PCDHA1: variants seen among roughly 807,000 people sequenced by gnomAD.
The protein encoded by PCDHA1 is protocadherin alpha-1.
In PCDHA1, 42 loss-of-function variants were observed where a neutral mutation model predicts 61.3. The ratio of observed to expected loss-of-function variants is 0.69; its 90% CI spans 0.54 to 0.89. PCDHA1 has a LOEUF of 0.89. Among genes scored for constraint, PCDHA1 ranks in the 40% least tolerant of loss-of-function variants. The pLI, the probability that PCDHA1 is intolerant of heterozygous loss-of-function variation, is 0.00. For synonymous variants in PCDHA1, 610 were observed against 553.8 expected, an observed-to-expected ratio of 1.10 and a Z score of -1.43; for missense variants, 1,256 against 1,235.3, an observed-to-expected ratio of 1.02 and a Z score of -0.25.
At chr5:140,803,000 A>G (rs782428262) in intron 1 of PCDHA1, 8 of 1,613,894 alleles carry the variant, frequency 5.0e-6, no homozygotes, top group African/African-American at 4.0e-5. Context: ...ATGCAGACTC[A>G]GGCTACAACG....
chr5:140,863,288 A>G, intron 1 of PCDHA1: 1 of 1,462,142 alleles, frequency 6.8e-7, no homozygotes, highest in South Asian at 1.1e-5. Context: ...GTCAACGTGT[A>G]CCTGATCATC....
At position 140,895,904 on chromosome 5, in the gene PCDHA1, C is replaced by A. The variant is rs956599707; in HGVS notation, c.2395-83045C>A. Among the ~76,000 whole-genome samples, 7 of 152,138 alleles carry A rather than the reference C, an allele frequency of 4.6e-5. No homozygotes were observed. In the South Asian group the frequency reaches 1.5e-3, roughly 32 times the overall value. On this transcript the variant is annotated intron_variant, in intron 1 of 3. Transcript: ENST00000504120. ...TCGGCTCACTGCAACCTCCGCGTCC[C>A]GGGCTCAACAATTATCCTGCCTCAG...
chr5:140,798,855 G>A (rs546077370), intron 1 of PCDHA1, among the ~76,000 whole-genome samples: 49 of 152,026 alleles, frequency 3.2e-4, no homozygotes, highest in Non-Finnish European at 3.2e-4. Context: ...TGTCTTAAAC[G>A]GTCCTCTACT....
At chr5:140,978,907 G>A (rs782602741) in intron 1 of PCDHA1, 42 bp from the exon 2 acceptor site, 3 of 1,613,766 alleles carry the variant, frequency 1.9e-6, no homozygotes, top group South Asian at 2.2e-5. Context: ...GGAGAACATT[G>A]TCTTGTCATT....
chr5:141,003,684 A>C (rs1425078507), intron 3 of PCDHA1, among the ~76,000 whole-genome samples: 1 of 152,240 alleles, frequency 6.6e-6, no homozygotes, highest in Non-Finnish European at 1.5e-5. Flanking sequence ...TTCTGATTTT[A>C]AAATATATCC....
At chr5:140,808,445 G>T (rs1219099901) in intron 1 of PCDHA1, 1 of 1,614,212 alleles carries the variant, frequency 6.2e-7, no homozygotes, top group East Asian at 2.2e-5. Flanking sequence ...GAGCGTGTCA[G>T]CCTATGAGCT....
chr5:140,802,826 G>A (rs1554122392), intron 1 of PCDHA1: 6 of 1,613,472 alleles, frequency 3.7e-6, no homozygotes, highest in Middle Eastern at 1.7e-4. Context: ...CGGGCGTGCC[G>A]CCTCTGGGCA....
At chr5:140,833,144 G>A (rs1580756021) in intron 1 of PCDHA1, among the ~76,000 whole-genome samples, 1 of 152,142 alleles carries the variant, frequency 6.6e-6, no homozygotes, top group South Asian at 2.1e-4. Context: ...AAAGTGTGAA[G>A]CAATACGAAT....
chr5:140,809,242 C>T (rs782495070), intron 1 of PCDHA1: 2 of 1,614,092 alleles, frequency 1.2e-6, no homozygotes, highest in East Asian at 2.2e-5. Flanking sequence ...CGTTGGTGGG[C>T]GCTGTGGGTC....
At chr5:140,797,317 G>C (rs1554120398) in intron 1 of PCDHA1, 1 of 1,614,232 alleles carries the variant, frequency 6.2e-7, no homozygotes, top group Non-Finnish European at 8.5e-7. Context: ...CTCCGCAGAA[G>C]AGAAACAGCT....
rs1474245483 is a variant in PCDHA1, at chr5:140,946,429, A to C, written c.2395-32520A>C. Reference sequence around the variant, plus strand: ...ATAGAAAACAATATGGAGGTTACTCAAAAATTGAGACTAAAACAACTATCC... The same window carrying C: ...ATAGAAAACAATATGGAGGTTACTCCAAAATTGAGACTAAAACAACTATCC... On this transcript the variant is annotated intron_variant, in intron 1 of 3. Coordinates refer to ENST00000504120, the MANE Select transcript of PCDHA1 (RefSeq NM_018900.4). 2.0e-5 allele frequency among the ~76,000 whole-genome samples: 3 copies of C among 151,826 alleles called. No homozygotes were observed. In the East Asian group the frequency reaches 5.8e-4, roughly 29 times the overall value.
intron 1 of PCDHA1, chr5:140,968,172 T>C (rs2096226402): frequency 6.2e-7 from 1 of 1,614,110 alleles, no homozygotes; most frequent in Non-Finnish European, 8.5e-7. Flanking sequence ...CCACCAAGCT[T>C]CCTGGAGGAC....
chr5:140,986,826 A>G (rs902801115), intron 3 of PCDHA1, among the ~76,000 whole-genome samples: 1 of 152,178 alleles, frequency 6.6e-6, no homozygotes, highest in Non-Finnish European at 1.5e-5. Flanking sequence ...GGTTTAGACA[A>G]TGGTTCTCAA....
At chr5:140,953,530 C>T (rs923959885) in intron 1 of PCDHA1, among the ~76,000 whole-genome samples, 3 of 152,158 alleles carry the variant, frequency 2.0e-5, no homozygotes, top group Admixed American at 6.5e-5. Context: ...ACGGGAAACT[C>T]ACTTCATGCT....
chr5:140,841,919 T>G, intron 1 of PCDHA1: 3 of 1,613,892 alleles, frequency 1.9e-6, no homozygotes, highest in Non-Finnish European at 2.5e-6. Flanking sequence ...AAGAAAATCC[T>G]TGGACAGAGA....
chr5:140,787,318 TAA>T lies in PCDHA1; in HGVS notation c.1030_1031del (p.Asn344Ter). ...AAGGTTTTGGTGAAAGTGCTGGATG[TAA>T]ATGATAATGCTCCAGAACTGGCGGT... is the stretch of plus-strand genomic sequence containing the variant. On this transcript the variant is annotated frameshift_variant, in exon 1 of 4. Coordinates refer to ENST00000504120, the MANE Select transcript of PCDHA1 (RefSeq NM_018900.4). LOFTEE classifies it high-confidence loss of function. The T allele has an allele frequency of 6.2e-7, 1 of 1,614,192 alleles. No individual in the cohort carries two copies. Among genetic ancestry groups the T allele is most frequent in the Non-Finnish European group, 8.5e-7 (1 of 1,180,006 alleles).
intron 1 of PCDHA1, chr5:140,801,633 C>T: frequency 1.2e-6 from 2 of 1,614,106 alleles, no homozygotes; most frequent in Non-Finnish European, 1.7e-6. Context: ...TTCCGAATCC[C>T]GACAGCCTGG....
chr5:140,797,117 A>C, intron 1 of PCDHA1: 1 of 1,613,990 alleles, frequency 6.2e-7, no homozygotes, highest in Non-Finnish European at 8.5e-7. Context: ...GTGCTGCTGT[A>C]CACTGCGCTG....
chr5:140,931,585 A>G (rs1170746678), intron 1 of PCDHA1, among the ~76,000 whole-genome samples: 2 of 152,056 alleles, frequency 1.3e-5, no homozygotes, highest in Non-Finnish European at 2.9e-5. Context: ...ATTCAGTTGA[A>G]CAGTCTTTTT....
Sources: gnomAD v4.1 joint callset for allele counts (sites outside exome capture counted in the v4.1 genomes callset) on GRCh38, gnomAD v4.1.1 for gene constraint, MANE v1.5 for transcripts, NCBI Gene and HGNC (gene_info 2026-07-23, HGNC 2026-07-21) for gene names.